FBXO25: variants seen among roughly 807,000 people sequenced by gnomAD.
The protein encoded by FBXO25 is F-box protein 25.
In FBXO25, 45 loss-of-function variants were observed where a neutral mutation model predicts 51.9. That is an observed-to-expected ratio of 0.87 (90% CI 0.68 to 1.11). FBXO25 has a LOEUF of 1.11. Among genes scored for constraint, FBXO25 ranks in the 50% most tolerant of loss-of-function variants. The pLI, the probability that FBXO25 is intolerant of heterozygous loss-of-function variation, is 0.00. For synonymous variants in FBXO25, 199 were observed against 151.0 expected (o/e 1.32, Z -2.33); for missense variants, 507 against 428.5 (o/e 1.18, Z -1.62).
chr8:457,603 T>C (rs73669396), intron 7 of FBXO25, among the ~76,000 whole-genome samples: 5,993 of 152,104 alleles, frequency 0.039, 332 homozygotes, highest in African/African-American at 0.12. Flanking sequence ...ATTGTGGAGG[T>C]TGTCTACACA....
chr8:466,634 G>C (rs543006765), intron 9 of FBXO25, among the ~76,000 whole-genome samples: 7 of 152,316 alleles, frequency 4.6e-5, no homozygotes, highest in East Asian at 1.9e-4. Flanking sequence ...GTCTGCATCT[G>C]GTATTTATCA....
At chr8:409,014 A>G (rs992823281) in intron 1 of FBXO25, among the ~76,000 whole-genome samples, 27 of 152,196 alleles carry the variant, frequency 1.8e-4, no homozygotes, top group Non-Finnish European at 1.3e-4. Flanking sequence ...CACATTTTTT[A>G]GCTGAACAAA....
rs1333556792 is a variant in FBXO25 at position 470,304 on chromosome 8, A to G, written c.*1500A>G. On this transcript the variant is annotated 3_prime_UTR_variant, in exon 10 of 10. Transcript: ENST00000350302. ...TAGTACAGCCAACATCATGAGTCAAACATATTTTAAGGCTTTTAAATATAT... is the reference window on the plus strand; with the variant it reads ...TAGTACAGCCAACATCATGAGTCAAGCATATTTTAAGGCTTTTAAATATAT... 6.6e-6 allele frequency: 1 copy of G among 152,142 alleles called. No individual in the cohort carries two copies. Among genetic ancestry groups the G allele is most frequent in the African/African-American group, 2.4e-5 (1 of 41,424 alleles). 9.4% of individuals were successfully genotyped at this position (152,142 alleles called of 1,614,324 possible).
chr8:425,954 G>T (rs1315281683), intron 2 of FBXO25, among the ~76,000 whole-genome samples: 1 of 145,724 alleles, frequency 6.9e-6, no homozygotes, highest in Non-Finnish European at 1.5e-5. Flanking sequence ...AGTTTCTTTG[G>T]TTGGCTCCCC....
intron 4 of FBXO25, among the ~76,000 whole-genome samples, chr8:434,149 G>T (rs1020758928): frequency 6.6e-6 from 1 of 152,158 alleles, no homozygotes; most frequent in African/African-American, 2.4e-5. Context: ...ACTGGGTGCT[G>T]GTGTCCCTGC....
intron 5 of FBXO25, among the ~76,000 whole-genome samples, chr8:438,017 A>C (rs1798203524): frequency 6.6e-6 from 1 of 151,808 alleles, no homozygotes; most frequent in South Asian, 2.1e-4. Context: ...GCATTTAGTA[A>C]TATCTGCCCT....
chr8:407,532 C>T (rs1796232884), intron 1 of FBXO25: 3 of 782,600 alleles, frequency 3.8e-6, no homozygotes, highest in Non-Finnish European at 4.6e-6. Context: ...CTTCCCCTGC[C>T]CACCTTCTGC....
At position 413,085 on chromosome 8, in the gene FBXO25, AT is replaced by A; in HGVS notation, c.11del (p.Leu4TrpfsTer44). 4.6e-6 allele frequency: 7 copies of A among 1,536,280 alleles called. No individual in the cohort carries two copies. The highest frequency in any genetic ancestry group is 2.6e-5 in the South Asian group (2 of 76,334). On this transcript the variant is annotated frameshift_variant, in exon 2 of 10. Coordinates refer to ENST00000350302, the MANE Select transcript of FBXO25 (RefSeq NM_183420.2). LOFTEE classifies it high-confidence loss of function. MP[F>X]LGQDWRSPGW... is the part of the protein sequence containing the mutation. The stretch of plus-strand genomic sequence containing the variant: ...AACTTTTTCATAGGAGAACTATGCC[AT>A]TTTTGGGTCAGGACTGGAGATCTCC...
intron 2 of FBXO25, among the ~76,000 whole-genome samples, chr8:429,134 C>G (rs1447262586): frequency 6.6e-6 from 1 of 152,192 alleles, no homozygotes; most frequent in East Asian, 1.9e-4. Flanking sequence ...CCTATAGTAG[C>G]TATACCATCC....
intron 5 of FBXO25, among the ~76,000 whole-genome samples, chr8:435,993 T>C (rs1585045345): frequency 6.6e-6 from 1 of 152,242 alleles, no homozygotes; most frequent in African/African-American, 2.4e-5. Flanking sequence ...CCTTGGGGGT[T>C]GTACCACGTA....
chr8:465,045 CCA>C (rs1765830803), intron 9 of FBXO25, among the ~76,000 whole-genome samples: 1 of 152,092 alleles, frequency 6.6e-6, no homozygotes, highest in Non-Finnish European at 1.5e-5. Context: ...TCTTTTCTCC[CCA>C]GTTATAGGGC....
chr8:436,311 T>C (rs1347611800), intron 5 of FBXO25, among the ~76,000 whole-genome samples: 1 of 152,182 alleles, frequency 6.6e-6, no homozygotes, highest in Non-Finnish European at 1.5e-5. Flanking sequence ...CTTCATTCTA[T>C]TATGGATAAA....
At chr8:440,349 C>T (rs1348498175) in intron 5 of FBXO25, among the ~76,000 whole-genome samples, 1 of 152,184 alleles carries the variant, frequency 6.6e-6, no homozygotes, top group African/African-American at 2.4e-5. Flanking sequence ...AGGATTTAGG[C>T]AGAGGGATGA....
At chr8:457,063 G>A (rs1799488137) in intron 7 of FBXO25, among the ~76,000 whole-genome samples, 1 of 152,184 alleles carries the variant, frequency 6.6e-6, no homozygotes, top group African/African-American at 2.4e-5. Context: ...ACATCAGAAG[G>A]AAGCTAGCTC....
chr8:445,771 T>C (rs548327673), intron 5 of FBXO25, among the ~76,000 whole-genome samples: 39 of 152,272 alleles, frequency 2.6e-4, no homozygotes, highest in Admixed American at 2.0e-3. Flanking sequence ...CTGGGGAAGC[T>C]GAGGCTAGAG....
chr8:413,296 C>A lies in FBXO25; in HGVS notation c.134+83C>A, dbSNP rs192059386. ...CTATTTTTCAAGTCCCTGCAAAGCT[C>A]CATAACTTTTGAGACTTGCCCACCC... On this transcript the variant is annotated intron_variant, in intron 2 of 9. Coordinates refer to ENST00000350302, the MANE Select transcript of FBXO25 (RefSeq NM_183420.2). 1.0e-4 allele frequency: 138 copies of A among 1,370,584 alleles called. 1 individual carries two copies. The East Asian group carries it at 3.2e-3, about 32-fold the overall frequency. The allele number at this position is 1,370,584 out of a possible 1,614,324, so 84.9% of individuals were successfully genotyped here.
rs760285691 is a variant in FBXO25, at chr8:451,466, C to T, written c.660+13C>T. On this transcript the variant is annotated intron_variant, in intron 7 of 9. Coordinates refer to ENST00000350302, the MANE Select transcript of FBXO25 (RefSeq NM_183420.2). Reference sequence around the variant, plus strand: ...TCAGATGACTAAGGTATAAATATCTCGGCATAAGAGTTATTACACTCTGTT... The same window carrying T: ...TCAGATGACTAAGGTATAAATATCTTGGCATAAGAGTTATTACACTCTGTT... 59 of 1,610,264 alleles carry T rather than the reference C, an allele frequency of 3.7e-5. No homozygotes were observed. The East Asian group carries it at 5.8e-4, about 16-fold the overall frequency.
rs145122469 is a variant in FBXO25 at position 412,118 on chromosome 8, C to T, written c.-7-955C>T. Among the ~76,000 whole-genome samples the T allele has an allele frequency of 5.8e-4, 88 of 152,264 alleles. 1 individual carries two copies. In the Middle Eastern group the frequency reaches 0.014, roughly 24 times the overall value. On this transcript the variant is annotated intron_variant, in intron 1 of 9. Transcript: ENST00000350302. ...ATTGTGAGCGTCATGAAGTTAATCA[C>T]GAAGTTGCATCATTTTTTAAGTCAT...
chr8:421,306 T>G (rs1797138734), intron 2 of FBXO25, among the ~76,000 whole-genome samples: 1 of 152,200 alleles, frequency 6.6e-6, no homozygotes, highest in Admixed American at 6.5e-5. Context: ...AAAAGTGTCT[T>G]CTAAGAAATT....
Sources: gnomAD v4.1 joint callset for allele counts (sites outside exome capture counted in the v4.1 genomes callset) on GRCh38, gnomAD v4.1.1 for gene constraint, MANE v1.5 for transcripts, NCBI Gene and HGNC (gene_info 2026-07-23, HGNC 2026-07-21) for gene names.